STAG1: variants seen among roughly 807,000 people sequenced by gnomAD.
STAG1 encodes the protein cohesin subunit SA-1.
A neutral mutation model predicts 170.9 loss-of-function variants in STAG1; 26 were observed. That is an observed-to-expected ratio of 0.15 (90% confidence interval 0.11 to 0.21). The LOEUF (loss-of-function observed/expected upper bound fraction) is 0.21, where lower values mean the gene tolerates loss of function less well. Ranked by LOEUF, STAG1 falls within the 10% of genes least tolerant of loss-of-function variation. The pLI is 1.00. For synonymous variants in STAG1, 514 were observed against 497.7 expected (o/e 1.03, Z -0.44); for missense variants, 964 against 1,509.5 (o/e 0.64, Z 5.99).
chr3:136,618,168 C>T (rs1939680784), intron 3 of STAG1, among the ~76,000 whole-genome samples: 1 of 151,882 alleles, frequency 6.6e-6, no homozygotes, highest in Admixed American at 6.6e-5. Flanking sequence ...CAATCACCTG[C>T]TCCACCCTGA....
At chr3:136,456,516 G>A (rs1325522682) in intron 13 of STAG1, among the ~76,000 whole-genome samples, 1 of 152,138 alleles carries the variant, frequency 6.6e-6, no homozygotes, top group Admixed American at 6.5e-5. Flanking sequence ...TATGGGACAC[G>A]TTCAAGCAAA....
intron 13 of STAG1, among the ~76,000 whole-genome samples, chr3:136,454,415 G>A (rs1576481473): frequency 6.6e-6 from 1 of 151,580 alleles, no homozygotes; most frequent in African/African-American, 2.4e-5. Context: ...GTCTCACTCT[G>A]TCGGCCTGGC....
intron 13 of STAG1, among the ~76,000 whole-genome samples, chr3:136,463,321 T>C (rs889828250): frequency 3.3e-5 from 5 of 152,134 alleles, no homozygotes; most frequent in Admixed American, 2.0e-4. Flanking sequence ...AACAATTTGT[T>C]ATTGTAGCAC....
intron 1 of STAG1, among the ~76,000 whole-genome samples, chr3:136,636,607 T>C (rs192747430): frequency 6.6e-6 from 1 of 152,286 alleles, no homozygotes; most frequent in African/African-American, 2.4e-5. Context: ...AAATGACATG[T>C]AACAAAACCA....
intron 1 of STAG1, among the ~76,000 whole-genome samples, chr3:136,732,763 C>T (rs964383014): frequency 1.3e-5 from 2 of 152,064 alleles, no homozygotes; most frequent in African/African-American, 4.8e-5. Flanking sequence ...GTGCCCACCA[C>T]CATGCCAGGC....
At chr3:136,652,249 TCA>T (rs1238915817) in intron 1 of STAG1, among the ~76,000 whole-genome samples, 1 of 152,092 alleles carries the variant, frequency 6.6e-6, no homozygotes, top group South Asian at 2.1e-4. Flanking sequence ...ACAAATATAC[TCA>T]CAGAGGAAAA....
chr3:136,400,277 C>T (rs894731691), intron 21 of STAG1, among the ~76,000 whole-genome samples: 2 of 150,858 alleles, frequency 1.3e-5, no homozygotes, highest in African/African-American at 4.9e-5. Flanking sequence ...GCCCAGGCTG[C>T]AGTGCAGTGG....
intron 1 of STAG1, among the ~76,000 whole-genome samples, chr3:136,694,175 C>G (rs890099668): frequency 6.6e-6 from 1 of 152,120 alleles, no homozygotes; most frequent in African/African-American, 2.4e-5. Flanking sequence ...TTGAGGATAA[C>G]CCTATGTAAA....
chr3:136,510,719 C>G (rs947269242), intron 7 of STAG1, among the ~76,000 whole-genome samples: 5 of 151,700 alleles, frequency 3.3e-5, no homozygotes, highest in East Asian at 3.9e-4. Flanking sequence ...TCAAGTGATT[C>G]TCCTGCCTCA....
intron 6 of STAG1, among the ~76,000 whole-genome samples, chr3:136,531,508 C>A (rs930330393): frequency 6.7e-6 from 1 of 149,168 alleles, no homozygotes. Flanking sequence ...TTGGAACCAA[C>A]CCAAATGTCC....
intron 15 of STAG1, among the ~76,000 whole-genome samples, chr3:136,438,348 G>C (rs184475603): frequency 2.1e-5 from 3 of 146,206 alleles, no homozygotes; most frequent in Non-Finnish European, 4.5e-5. Context: ...TCAGTCTCCC[G>C]AGTAGCTGGG....
At chr3:136,417,565 C>A (rs1011738207) in intron 21 of STAG1, 1 of 242,002 alleles carries the variant, frequency 4.1e-6, no homozygotes, top group African/African-American at 2.3e-5. Context: ...CTGGAATATA[C>A]CCATCATCAA....
intron 3 of STAG1, 142 bp downstream of exon 3, chr3:136,623,004 T>C (rs1048018162): frequency 6.4e-6 from 4 of 625,986 alleles, no homozygotes; most frequent in East Asian, 6.0e-5. Flanking sequence ...AGACAATTTA[T>C]GTGAAAAAAA....
intron 28 of STAG1, among the ~76,000 whole-genome samples, chr3:136,350,044 G>A (rs1936376919): frequency 6.6e-6 from 1 of 152,098 alleles, no homozygotes; most frequent in Non-Finnish European, 1.5e-5. Context: ...GGAGGCTGAG[G>A]CAGGAGAATC....
At position 136,338,060 on chromosome 3, in the gene STAG1, G is replaced by A; in HGVS notation, c.*194C>T. 1 of 563,180 alleles carries A rather than the reference G, an allele frequency of 1.8e-6. No homozygotes were observed. Among genetic ancestry groups the A allele is most frequent in the Non-Finnish European group, 3.2e-6 (1 of 313,704 alleles). The allele number at this position is 563,180 out of a possible 1,614,324, so 34.9% of individuals were successfully genotyped here. On this transcript the variant is annotated 3_prime_UTR_variant, in exon 34 of 34. Coordinates refer to ENST00000383202, the MANE Select transcript of STAG1 (RefSeq NM_005862.3). ...ATTTTCAGGTCAGTCTTTCTGAGTT[G>A]ACATTCACCAACATTCCCTTGGGTA...
intron 1 of STAG1, among the ~76,000 whole-genome samples, chr3:136,702,075 AAGAG>A (rs745623191): frequency 0.17 from 15,413 of 91,654 alleles, 1,639 homozygotes; most frequent in East Asian, 0.39. Context: ...ACCATGCCGA[AAGAG>A]AGAGAGAGAG....
intron 1 of STAG1, among the ~76,000 whole-genome samples, chr3:136,710,582 A>G (rs1482583933): frequency 6.6e-6 from 1 of 152,190 alleles, no homozygotes; most frequent in East Asian, 1.9e-4. Context: ...TGCAATGTGC[A>G]TACTGTATTT....
chr3:136,563,647 C>CAAAA (rs772716937), intron 5 of STAG1, among the ~76,000 whole-genome samples: 5 of 97,880 alleles, frequency 5.1e-5, no homozygotes, highest in South Asian at 3.6e-4. Flanking sequence ...TTCTTTCTTA[C>CAAAA]AAAAAAAAAA....
chr3:136,613,772 G>A (rs149807850), intron 3 of STAG1, among the ~76,000 whole-genome samples: 23 of 152,244 alleles, frequency 1.5e-4, no homozygotes, highest in South Asian at 8.3e-4. Flanking sequence ...ACAGGTGTGC[G>A]CCACTGTGCC....
Sources: gnomAD v4.1 joint callset for allele counts (sites outside exome capture counted in the v4.1 genomes callset) on GRCh38, gnomAD v4.1.1 for gene constraint, MANE v1.5 for transcripts, NCBI Gene and HGNC (gene_info 2026-07-23, HGNC 2026-07-21) for gene names.